Variants in ARHGEF4 observed in about 807,000 individuals in gnomAD.
ARHGEF4 encodes the protein Rho guanine nucleotide exchange factor 4.
In ARHGEF4, 119 loss-of-function variants were observed where a neutral mutation model predicts 162.0. That is an observed-to-expected ratio of 0.73 (90% CI 0.63 to 0.86). The LOEUF is 0.86. Among genes scored for constraint, ARHGEF4 ranks in the 40% least tolerant of loss-of-function variants. The pLI is 0.00. For synonymous variants in ARHGEF4, 1,014 were observed against 979.9 expected (o/e 1.03, Z -0.65); for missense variants, 2,488 against 2,456.0 (o/e 1.01, Z -0.28).
At chr2:130,998,961 A>T (rs1380082787) in intron 4 of ARHGEF4, among the ~76,000 whole-genome samples, 2 of 152,194 alleles carry the variant, frequency 1.3e-5, no homozygotes, top group Non-Finnish European at 2.9e-5. Flanking sequence ...GTTGTTCCAC[A>T]TCCTCATCAG....
chr2:130,930,570 G>T (rs1394168143), intron 2 of ARHGEF4, among the ~76,000 whole-genome samples: 1 of 152,152 alleles, frequency 6.6e-6, no homozygotes, highest in East Asian at 1.9e-4. Flanking sequence ...GAGTGCTTCT[G>T]CTTCAGTTTT....
At chr2:130,886,840 T>C (rs1486872844) in intron 1 of ARHGEF4, among the ~76,000 whole-genome samples, 1 of 140,788 alleles carries the variant, frequency 7.1e-6, no homozygotes, top group East Asian at 2.0e-4. Flanking sequence ...CTTTTGGTAA[T>C]TTTTTTTTTT....
At chr2:131,039,248 G>A (rs1372446276) in intron 6 of ARHGEF4, 11 of 1,284,804 alleles carry the variant, frequency 8.6e-6, no homozygotes, top group Non-Finnish European at 1.1e-5. Flanking sequence ...AGAGAGGAGA[G>A]CAGTCGAGAA....
chr2:130,973,350 A>C (rs930090843), intron 4 of ARHGEF4, among the ~76,000 whole-genome samples: 13 of 152,186 alleles, frequency 8.5e-5, no homozygotes. Flanking sequence ...TTAGCTGGGC[A>C]TGGTGGTGCA....
At position 130,950,695 on chromosome 2, in the gene ARHGEF4, C is replaced by G. The variant is rs572528917; in HGVS notation, c.3985+4060C>G. Among the ~76,000 whole-genome samples, 16 of 149,584 alleles carry G rather than the reference C, an allele frequency of 1.1e-4. 1 individual carries two copies. In the South Asian group the frequency reaches 3.6e-3, roughly 34 times the overall value. On this transcript the variant is annotated intron_variant, in intron 4 of 13. Coordinates refer to ENST00000409359, the MANE Select transcript of ARHGEF4 (RefSeq NM_001367493.1). The stretch of plus-strand genomic sequence containing the variant: ...TGTACCTTTAGCTATTACCCCCCAC[C>G]ACCACCCGAAGGAACCACTTATCTA...
chr2:130,872,723 G>C (rs1287820933), intron 1 of ARHGEF4, among the ~76,000 whole-genome samples: 1 of 152,200 alleles, frequency 6.6e-6, no homozygotes, highest in Non-Finnish European at 1.5e-5. Context: ...GGGATTATGG[G>C]TTGCAAGGGA....
At chr2:131,040,222 G>C in intron 7 of ARHGEF4, 30 bp downstream of exon 7, 1 of 1,609,264 alleles carries the variant, frequency 6.2e-7, no homozygotes, top group Non-Finnish European at 8.5e-7. Flanking sequence ...CGGTGACTGG[G>C]GACCCGGTCG....
intron 3 of ARHGEF4, among the ~76,000 whole-genome samples, chr2:130,940,373 G>T (rs1376423406): frequency 2.0e-5 from 3 of 151,984 alleles, no homozygotes; most frequent in East Asian, 3.9e-4. Flanking sequence ...CAACATCACT[G>T]CAACCTCTGC....
intron 4 of ARHGEF4, among the ~76,000 whole-genome samples, chr2:130,999,371 T>A (rs556542068): frequency 2.0e-5 from 3 of 152,098 alleles, no homozygotes; most frequent in Non-Finnish European, 1.5e-5. Context: ...TTAGCCAGGA[T>A]GGTCTCGATC....
intron 1 of ARHGEF4, among the ~76,000 whole-genome samples, chr2:130,852,493 G>C (rs1681477186): frequency 6.6e-6 from 1 of 151,930 alleles, no homozygotes; most frequent in African/African-American, 2.4e-5. Context: ...CTGACTGTGG[G>C]GAGTGGGGAG....
chr2:130,996,412 T>A (rs1239076605), intron 4 of ARHGEF4, among the ~76,000 whole-genome samples: 1 of 152,234 alleles, frequency 6.6e-6, no homozygotes, highest in Non-Finnish European at 1.5e-5. Context: ...TTTTGAATTA[T>A]AGACTGCCAT....
At chr2:130,884,891 A>G (rs746946233) in intron 1 of ARHGEF4, among the ~76,000 whole-genome samples, 1 of 152,134 alleles carries the variant, frequency 6.6e-6, no homozygotes, top group Admixed American at 6.5e-5. Context: ...CTAACCAGGA[A>G]GAGGCTCGGC....
chr2:130,907,139 T>C (rs1330737976), intron 1 of ARHGEF4, among the ~76,000 whole-genome samples: 1 of 152,126 alleles, frequency 6.6e-6, no homozygotes, highest in Non-Finnish European at 1.5e-5. Flanking sequence ...TCTTTTGAGT[T>C]TGGCTTCTTT....
At chr2:130,842,002 T>C (rs1156375815) in intron 1 of ARHGEF4, among the ~76,000 whole-genome samples, 1 of 152,220 alleles carries the variant, frequency 6.6e-6, no homozygotes, top group Admixed American at 6.5e-5. Flanking sequence ...CTCACCATTC[T>C]CCCTGGTTTT....
Position 131,032,168 on chromosome 2 carries a change from C to T in ARHGEF4, c.4125+4084C>T, listed in dbSNP as rs573940327. On this transcript the variant is annotated intron_variant, in intron 5 of 13. Transcript: ENST00000409359. Reference sequence around the variant, plus strand: ...CCTGGTGAGGATGAGCACGAGGTGTCTGGCGCACTGATAGGCATCAGGCTC... The same window carrying T: ...CCTGGTGAGGATGAGCACGAGGTGTTTGGCGCACTGATAGGCATCAGGCTC... Among the ~76,000 whole-genome samples, 14 of 152,116 alleles carry T rather than the reference C, an allele frequency of 9.2e-5. No homozygotes were observed. In the South Asian group the frequency reaches 2.9e-3, roughly 32 times the overall value.
At chr2:130,972,142 C>T (rs942476398) in intron 4 of ARHGEF4, among the ~76,000 whole-genome samples, 1 of 152,188 alleles carries the variant, frequency 6.6e-6, no homozygotes, top group African/African-American at 2.4e-5. Context: ...AATAAATGTC[C>T]TGTTAACAAG....
At chr2:131,034,934 TG>T in intron 5 of ARHGEF4, 1 of 971,846 alleles carries the variant, frequency 1.0e-6, no homozygotes, top group Non-Finnish European at 1.2e-6. Flanking sequence ...TGCCAGGGCT[TG>T]GGGCCTGGGA....
In ARHGEF4 at chr2:130,886,351, C is replaced by G. The variant is rs187267315; in HGVS notation, c.40-27635C>G. Among the ~76,000 whole-genome samples the G allele has an allele frequency of 3.9e-3, 596 of 151,362 alleles. 14 individuals carry two copies. The highest frequency in any genetic ancestry group is 0.014 in the African/African-American group (570 of 41,008). On this transcript the variant is annotated intron_variant, in intron 1 of 13. Coordinates refer to ENST00000409359, the MANE Select transcript of ARHGEF4 (RefSeq NM_001367493.1). ...ACCTTATAAAATGAATCAAGTGTTA[C>G]TTTCTGAAAAAAAATTCTGAAAGAT...
intron 9 of ARHGEF4, 119 bp from the exon 10 acceptor site, chr2:131,041,696 G>A (rs1690821985): frequency 7.3e-7 from 1 of 1,378,982 alleles, no homozygotes. Flanking sequence ...TGATAGTGAG[G>A]ATGTGGTCAA....
Sources: gnomAD v4.1 joint callset for allele counts (sites outside exome capture counted in the v4.1 genomes callset) on GRCh38, gnomAD v4.1.1 for gene constraint, MANE v1.5 for transcripts, NCBI Gene and HGNC (gene_info 2026-07-23, HGNC 2026-07-21) for gene names.